The following HS6ST2 variants were observed in gnomAD, a reference collection of about 807,000 sequenced individuals.
HS6ST2 encodes the protein heparan sulfate 6-O-sulfotransferase 2.
HS6ST2 carries 17 observed loss-of-function variants against 33.0 expected under a neutral mutation model. That is an observed-to-expected ratio of 0.52 (90% CI 0.35 to 0.77). The LOEUF (loss-of-function observed/expected upper bound fraction) is 0.77, where lower values mean the gene tolerates loss of function less well. HS6ST2 is among the 30% of genes least tolerant of loss of function. The probability of loss-of-function intolerance (pLI) is 0.01; values close to 1 mark genes in which losing one functional copy is unlikely to be tolerated. For synonymous variants in HS6ST2, 248 were observed against 237.1 expected (o/e 1.05, Z -0.42); for missense variants, 519 against 551.7 (o/e 0.94, Z 0.59).
In HS6ST2 at chrX:132,791,985, G is replaced by GA. The variant is rs762811746; in HGVS notation, c.948-83492dup. ...GCAACAAAGCAAGAGCCTGTCTCCA[G>GA]AAAAAAAAAAAGTTACACTTTCCTA... is the stretch of plus-strand genomic sequence containing the variant. On this transcript the variant is annotated intron_variant, in intron 2 of 4. Coordinates refer to ENST00000370833, the MANE Select transcript of HS6ST2 (RefSeq NM_001394073.1). Among the ~76,000 whole-genome samples, 384 of 103,850 alleles carry GA rather than the reference G, an allele frequency of 3.7e-3. 1 individual carries two copies. The highest frequency in any genetic ancestry group is 4.8e-3 in the Non-Finnish European group (244 of 50,343). The allele number at this position is 103,850 out of a possible 115,157, so 90.2% of individuals were successfully genotyped here.
chrX:132,822,365 G>A (rs1467752591), intron 2 of HS6ST2, among the ~76,000 whole-genome samples: 1 of 111,027 alleles, frequency 9.0e-6, no homozygotes, highest in African/African-American at 3.3e-5. Context: ...TATCAGAGCC[G>A]CATCCTGCTC....
rs752183063 is a variant in HS6ST2, at chrX:132,790,460, T to C, written c.948-81966A>G. Among the ~76,000 whole-genome samples, 184 of 112,219 alleles carry C rather than the reference T, an allele frequency of 1.6e-3. 1 individual carries two copies. Among genetic ancestry groups the C allele is most frequent in the Non-Finnish European group, 2.7e-3 (146 of 53,216 alleles). On this transcript the variant is annotated intron_variant, in intron 2 of 4. Transcript: ENST00000370833. ...CAAAAAATTCATGTGACTCACTGTT[T>C]TGCAATATTCATGTTATTGTGGGGT... is the stretch of plus-strand genomic sequence containing the variant.
chrX:132,880,272 A>G (rs1259868578), intron 2 of HS6ST2, among the ~76,000 whole-genome samples: 1 of 111,790 alleles, frequency 8.9e-6, no homozygotes, highest in Non-Finnish European at 1.9e-5. Context: ...GCGGTGGCTC[A>G]TGCCCGTAAT....
At chrX:132,827,352 G>A (rs975488082) in intron 2 of HS6ST2, among the ~76,000 whole-genome samples, 8 of 110,987 alleles carry the variant, frequency 7.2e-5, no homozygotes, top group African/African-American at 2.0e-4. Context: ...TATGGTTCAC[G>A]GTGTCAGGGA....
chrX:132,727,239 G>T (rs967564597), intron 2 of HS6ST2, among the ~76,000 whole-genome samples: 2 of 101,011 alleles, frequency 2.0e-5, no homozygotes, highest in African/African-American at 3.7e-5. Flanking sequence ...GCATTATTGG[G>T]GGGGGGGGCA....
At chrX:132,698,998 T>A (rs762756525) in intron 3 of HS6ST2, among the ~76,000 whole-genome samples, 1 of 111,855 alleles carries the variant, frequency 8.9e-6, no homozygotes, top group African/African-American at 3.2e-5. Context: ...TACTGGAAAA[T>A]CACCAAGTTA....
chrX:132,911,267 C>G (rs2066531710), intron 2 of HS6ST2, among the ~76,000 whole-genome samples: 1 of 111,262 alleles, frequency 9.0e-6, no homozygotes, highest in Non-Finnish European at 1.9e-5. Context: ...TCCTGGCCCC[C>G]TAACCATCCT....
intron 2 of HS6ST2, among the ~76,000 whole-genome samples, chrX:132,909,286 TG>T (rs1322644434): frequency 8.9e-6 from 1 of 112,645 alleles, no homozygotes. Flanking sequence ...TTTTAATGCC[TG>T]GGGGTTTCCC....
intron 2 of HS6ST2, among the ~76,000 whole-genome samples, chrX:132,879,524 T>C (rs985711244): frequency 1.6e-4 from 18 of 111,899 alleles, no homozygotes; most frequent in African/African-American, 5.5e-4. Context: ...TAGGACTTGA[T>C]TGAAAACCTA....
intron 2 of HS6ST2, among the ~76,000 whole-genome samples, chrX:132,767,367 C>T (rs998796347): frequency 9.9e-5 from 11 of 111,659 alleles, no homozygotes; most frequent in Non-Finnish European, 1.7e-4. Context: ...TACAGGCGCA[C>T]ATCACCATGC....
At chrX:132,676,341 A>C (rs908128747) in intron 3 of HS6ST2, among the ~76,000 whole-genome samples, 1 of 112,183 alleles carries the variant, frequency 8.9e-6, no homozygotes, top group Admixed American at 9.4e-5. Context: ...GAAGGCAAGC[A>C]TGTTAACAGC....
intron 2 of HS6ST2, among the ~76,000 whole-genome samples, chrX:132,841,426 G>A (rs941643369): frequency 1.8e-5 from 2 of 111,457 alleles, no homozygotes; most frequent in African/African-American, 6.5e-5. Flanking sequence ...CAGAAGTACC[G>A]CTCACCTTTC....
intron 3 of HS6ST2, among the ~76,000 whole-genome samples, chrX:132,679,323 G>T (rs2063949430): frequency 8.9e-6 from 1 of 111,931 alleles, no homozygotes; most frequent in Admixed American, 9.5e-5. Flanking sequence ...AAGGGACAGA[G>T]TACAAAAGAG....
At chrX:132,722,659 A>G (rs1379899936) in intron 2 of HS6ST2, among the ~76,000 whole-genome samples, 3 of 111,733 alleles carry the variant, frequency 2.7e-5, no homozygotes, top group Non-Finnish European at 5.6e-5. Flanking sequence ...CCAGATATAC[A>G]TAGTAGAAAA....
At chrX:132,865,612 T>C (rs1296846702) in intron 2 of HS6ST2, among the ~76,000 whole-genome samples, 1 of 111,256 alleles carries the variant, frequency 9.0e-6, no homozygotes, top group African/African-American at 3.3e-5. Context: ...AAAGTGTTCC[T>C]ATTTCTCCAC....
intron 2 of HS6ST2, among the ~76,000 whole-genome samples, chrX:132,877,560 T>C (rs982270703): frequency 9.0e-6 from 1 of 111,295 alleles, no homozygotes; most frequent in Non-Finnish European, 1.9e-5. Flanking sequence ...TCTGTCCACT[T>C]AGGGTCAGAC....
At chrX:132,639,119 G>C (rs1276837395) in intron 4 of HS6ST2, among the ~76,000 whole-genome samples, 1 of 112,038 alleles carries the variant, frequency 8.9e-6, no homozygotes, top group Non-Finnish European at 1.9e-5. Flanking sequence ...TAATGCCTTT[G>C]AATTCAAACT....
chrX:132,631,893 G>A (rs182908018), intron 4 of HS6ST2, among the ~76,000 whole-genome samples: 6 of 111,583 alleles, frequency 5.4e-5, no homozygotes, highest in Middle Eastern at 4.7e-3. Context: ...CCAACCACCA[G>A]GGTTAATGAC....
chrX:132,629,116 A>G, intron 4 of HS6ST2, 23 bp from the exon 5 acceptor site: 1 of 1,174,973 alleles, frequency 8.5e-7, no homozygotes. Context: ...CACAAAAACC[A>G]ACAGTCAGAG....
Sources: gnomAD v4.1 joint callset for allele counts (sites outside exome capture counted in the v4.1 genomes callset) on GRCh38, gnomAD v4.1.1 for gene constraint, MANE v1.5 for transcripts, NCBI Gene and HGNC (gene_info 2026-07-23, HGNC 2026-07-21) for gene names.